Variants in FAT3 observed in about 807,000 individuals in gnomAD.
The protein encoded by FAT3 is protocadherin Fat 3.
In FAT3, 95 loss-of-function variants were observed where a neutral mutation model predicts 310.2. That is an observed-to-expected ratio of 0.31 (90% CI 0.26 to 0.36). FAT3 has a LOEUF of 0.36. FAT3 is among the 10% of genes least tolerant of loss of function. The pLI, the probability that FAT3 is intolerant of heterozygous loss-of-function variation, is 1.00. For missense variants in FAT3, 5,408 were observed against 5,715.6 expected (o/e 0.95, Z 1.74); for synonymous variants, 2,314 against 2,192.9 (o/e 1.06, Z -1.54).
chr11:92,574,786 G>T (rs1272486363), intron 3 of FAT3, among the ~76,000 whole-genome samples: 1 of 152,130 alleles, frequency 6.6e-6, no homozygotes, highest in Non-Finnish European at 1.5e-5. Context: ...GAGCATTCCT[G>T]CACTGCAGGC....
chr11:92,739,646 C>T (rs1000121620), intron 4 of FAT3, among the ~76,000 whole-genome samples: 2 of 152,158 alleles, frequency 1.3e-5, no homozygotes, highest in Non-Finnish European at 2.9e-5. Context: ...AAGAAAGATG[C>T]TTATTCACAA....
At chr11:92,311,053 C>T (rs971454604) in intron 1 of FAT3, among the ~76,000 whole-genome samples, 4 of 150,994 alleles carry the variant, frequency 2.6e-5, no homozygotes, top group Admixed American at 6.6e-5. Flanking sequence ...TATATATACA[C>T]ACACATATAT....
At chr11:92,401,167 AC>A (rs1332944232) in intron 2 of FAT3, among the ~76,000 whole-genome samples, 2 of 152,182 alleles carry the variant, frequency 1.3e-5, no homozygotes, top group African/African-American at 4.8e-5. Flanking sequence ...GGGATACTTT[AC>A]TAGTTATTTT....
intron 4 of FAT3, among the ~76,000 whole-genome samples, chr11:92,713,822 T>C (rs1944596984): frequency 6.6e-6 from 1 of 152,206 alleles, no homozygotes; most frequent in Non-Finnish European, 1.5e-5. Context: ...CTGATTTCTT[T>C]AAGATTTCCC....
intron 5 of FAT3, among the ~76,000 whole-genome samples, chr11:92,762,548 C>T (rs1417951794): frequency 6.6e-6 from 1 of 152,160 alleles, no homozygotes; most frequent in African/African-American, 2.4e-5. Flanking sequence ...TATCTCTCAA[C>T]ATGTCCCCGA....
chr11:92,407,082 A>G (rs890163365), intron 2 of FAT3, among the ~76,000 whole-genome samples: 4 of 152,220 alleles, frequency 2.6e-5, no homozygotes, highest in African/African-American at 9.6e-5. Context: ...TCTAGCTGCC[A>G]GATACCAACC....
At chr11:92,539,619 A>G (rs752544706) in intron 3 of FAT3, among the ~76,000 whole-genome samples, 11 of 152,170 alleles carry the variant, frequency 7.2e-5, no homozygotes, top group Non-Finnish European at 1.5e-4. Context: ...ACCTCACAGT[A>G]AAAGAAAAAC....
chr11:92,311,035 C>T (rs752895534), intron 1 of FAT3, among the ~76,000 whole-genome samples: 1 of 150,576 alleles, frequency 6.6e-6, no homozygotes, highest in African/African-American at 2.4e-5. Flanking sequence ...TATATATATA[C>T]ATACACATAT....
intron 1 of FAT3, among the ~76,000 whole-genome samples, chr11:92,276,922 C>T (rs150061009): frequency 2.6e-5 from 4 of 152,200 alleles, no homozygotes; most frequent in African/African-American, 4.8e-5. Context: ...AACCCATTTA[C>T]GTTCCTTTCT....
intron 2 of FAT3, among the ~76,000 whole-genome samples, chr11:92,409,609 G>A (rs908131244): frequency 1.3e-5 from 2 of 152,114 alleles, no homozygotes; most frequent in African/African-American, 4.8e-5. Context: ...GTGTTTTAAA[G>A]TGCTGTCAAA....
At chr11:92,758,027 C>T (rs553813677) in intron 4 of FAT3, among the ~76,000 whole-genome samples, 19 of 152,290 alleles carry the variant, frequency 1.2e-4, no homozygotes, top group Admixed American at 5.9e-4. Context: ...AGAATCATAA[C>T]ACTAGAAGCA....
At chr11:92,503,187 C>T (rs1408168164) in intron 2 of FAT3, among the ~76,000 whole-genome samples, 2 of 152,028 alleles carry the variant, frequency 1.3e-5, no homozygotes, top group African/African-American at 2.4e-5. Flanking sequence ...AGAAAATTTC[C>T]ATCGACTTTG....
At chr11:92,854,080 C>G (rs539823775) in intron 19 of FAT3, among the ~76,000 whole-genome samples, 1 of 152,162 alleles carries the variant, frequency 6.6e-6, no homozygotes, top group Non-Finnish European at 1.5e-5. Context: ...TCAGCACCCC[C>G]GCAGCTTCCC....
chr11:92,323,810 A>G (rs1947691885), intron 1 of FAT3, among the ~76,000 whole-genome samples: 1 of 152,178 alleles, frequency 6.6e-6, no homozygotes, highest in Non-Finnish European at 1.5e-5. Context: ...CAAGAGAGTT[A>G]GCTTGTCTTT....
At chr11:92,868,056 T>C (rs1466828389) in intron 22 of FAT3, among the ~76,000 whole-genome samples, 1 of 152,146 alleles carries the variant, frequency 6.6e-6, no homozygotes, top group Non-Finnish European at 1.5e-5. Flanking sequence ...TCAGACATGC[T>C]CCCGGTTGAA....
chr11:92,717,406 T>C (rs2135963282), intron 4 of FAT3, among the ~76,000 whole-genome samples: 1 of 152,256 alleles, frequency 6.6e-6, no homozygotes, highest in Admixed American at 6.5e-5. Context: ...CTTCCAAAGA[T>C]GAGCAGTTGT....
At chr11:92,363,105 A>G (rs1003836578) in intron 2 of FAT3, among the ~76,000 whole-genome samples, 2 of 152,230 alleles carry the variant, frequency 1.3e-5, no homozygotes, top group African/African-American at 4.8e-5. Flanking sequence ...GTGATGCTGT[A>G]CTTTGATCTT....
chr11:92,831,740 G>A lies in FAT3; in HGVS notation c.9600G>A (p.Ser3200=), dbSNP rs370683600. 1.6e-5 allele frequency: 26 copies of A among 1,613,328 alleles called. No homozygotes were observed. The highest frequency in any genetic ancestry group is 8.0e-5 in the African/African-American group (6 of 74,888). Residue 3200 remains serine (S), a synonymous_variant, in exon 14 of 28, where the codon TCG becomes TCA. Coordinates refer to ENST00000525166, the MANE Select transcript of FAT3 (RefSeq NM_001367949.2). ...EQPLDREQQS[S]YNISVRATDQ... Reference sequence around the variant, plus strand: ...CACTGGACCGTGAGCAGCAGTCTTCGTACAACATCAGCGTGCGGGCCACTG... The same window carrying A: ...CACTGGACCGTGAGCAGCAGTCTTCATACAACATCAGCGTGCGGGCCACTG...
rs538931555 is a variant in FAT3 at position 92,517,044 on chromosome 11, C to T, written c.3293-7590C>T. The stretch of plus-strand genomic sequence containing the variant: ...ATAGGAAGAATAAATATCGTGAAAA[C>T]GGCCATACTGCCCAAAGAAATTTAT... On this transcript the variant is annotated intron_variant, in intron 2 of 27. Coordinates refer to ENST00000525166, the MANE Select transcript of FAT3 (RefSeq NM_001367949.2). Among the ~76,000 whole-genome samples, 20 of 152,120 alleles carry T rather than the reference C, an allele frequency of 1.3e-4. 1 individual carries two copies. In the East Asian group the frequency reaches 1.4e-3, roughly 10 times the overall value.
Sources: gnomAD v4.1 joint callset for allele counts (sites outside exome capture counted in the v4.1 genomes callset) on GRCh38, gnomAD v4.1.1 for gene constraint, MANE v1.5 for transcripts, NCBI Gene and HGNC (gene_info 2026-07-23, HGNC 2026-07-21) for gene names.